Variants in BHMT2 observed in about 807,000 individuals in gnomAD.
BHMT2 encodes betaine--homocysteine S-methyltransferase 2, also known as S-methylmethionine--homocysteine S-methyltransferase BHMT2.
BHMT2 carries 28 observed loss-of-function variants against 39.0 expected under a neutral mutation model. That is an observed-to-expected ratio of 0.72 (90% CI 0.53 to 0.98). BHMT2 has a LOEUF of 0.98. Ranked by LOEUF, BHMT2 falls within the 50% of genes least tolerant of loss-of-function variation. The pLI, the probability that BHMT2 is intolerant of heterozygous loss-of-function variation, is 0.00. For missense variants in BHMT2, 410 were observed against 455.6 expected (o/e 0.90, Z 0.91); for synonymous variants, 145 against 160.6 (o/e 0.90, Z 0.74).
At chr5:79,075,738 G>A (rs1480427108) in intron 1 of BHMT2, among the ~76,000 whole-genome samples, 1 of 152,178 alleles carries the variant, frequency 6.6e-6, no homozygotes, top group Non-Finnish European at 1.5e-5. Context: ...GGATGACCCT[G>A]CAGGCACCTG....
In BHMT2 at chr5:79,088,651, C is replaced by G; in HGVS notation, c.*77C>G. ...AAGCCTGACCTGGAACCGTTCCTCA[C>G]CTTCATCCTCACCATGCCCTGCTAT... On this transcript the variant is annotated 3_prime_UTR_variant, in exon 8 of 8. Coordinates refer to ENST00000255192, the MANE Select transcript of BHMT2 (RefSeq NM_017614.5). The G allele has an allele frequency of 8.7e-7, 1 of 1,147,840 alleles. No individual in the cohort carries two copies. Among genetic ancestry groups the G allele is most frequent in the Non-Finnish European group, 1.3e-6 (1 of 776,606 alleles). 71.1% of individuals were successfully genotyped at this position (1,147,840 alleles called of 1,614,324 possible).
At position 79,082,804 on chromosome 5, in the gene BHMT2, C is replaced by G. The variant is rs768090719; in HGVS notation, c.451-5C>G. 2 of 1,613,242 alleles carry G rather than the reference C, an allele frequency of 1.2e-6. No homozygotes were observed. The highest frequency in any genetic ancestry group is 1.7e-6 in the Non-Finnish European group (2 of 1,179,748). On this transcript the variant is annotated splice_polypyrimidine_tract_variant and splice_region_variant and intron_variant, in intron 4 of 7. Transcript: ENST00000255192. ...GACCAGTAGAAAAAGTGACATTTCT[C>G]TTAGTATTTTGAGCACGTTGAAGAA...
intron 1 of BHMT2, among the ~76,000 whole-genome samples, 192 bp downstream of exon 1, chr5:79,070,007 C>G (rs1296237522): frequency 6.6e-6 from 1 of 152,210 alleles, no homozygotes; most frequent in Non-Finnish European, 1.5e-5. Flanking sequence ...CGGTGCCTGG[C>G]GCTGCACAGA....
At chr5:79,084,152 A>C (rs145299365) in intron 7 of BHMT2, among the ~76,000 whole-genome samples, 1 of 152,174 alleles carries the variant, frequency 6.6e-6, no homozygotes, top group African/African-American at 2.4e-5. Context: ...TGAAGGCCTT[A>C]GAGATGATAA....
chr5:79,080,810 A>G lies in BHMT2; in HGVS notation c.382A>G (p.Ile128Val). Residue 128 changes from isoleucine (I) to valine (V), a missense_variant, in exon 4 of 8, where the codon ATT becomes GTT. Coordinates refer to ENST00000255192, the MANE Select transcript of BHMT2 (RefSeq NM_017614.5). ...IYKYQKDEAR[I>V]KKLFRQQLEV... is the part of the protein sequence containing the mutation. ...CAAATACCAGAAGGATGAAGCTAGA[A>G]TTAAAAAACTTTTTCGACAACAGCT... 1 of 1,605,104 alleles carries G rather than the reference A, an allele frequency of 6.2e-7. No individual in the cohort carries two copies. Among genetic ancestry groups the G allele is most frequent in the Non-Finnish European group, 8.5e-7 (1 of 1,177,560 alleles).
At position 79,070,598 on chromosome 5, in the gene BHMT2, A is replaced by T. The variant is rs1755546274; in HGVS notation, c.33+783A>T. ...GACCCCCACCCGCTCCAGCCCTGTC[A>T]TTCAGAATGGGAGGAAGGGAGGAGG... is the stretch of plus-strand genomic sequence containing the variant. On this transcript the variant is annotated intron_variant, in intron 1 of 7. Transcript: ENST00000255192. Among the ~76,000 whole-genome samples, 4 of 152,292 alleles carry T rather than the reference A, an allele frequency of 2.6e-5. No individual in the cohort carries two copies. The South Asian group carries it at 8.3e-4, about 32-fold the overall frequency.
At chr5:79,084,953 CTT>C (rs1316895309) in intron 7 of BHMT2, among the ~76,000 whole-genome samples, 2 of 152,150 alleles carry the variant, frequency 1.3e-5, no homozygotes, top group Non-Finnish European at 1.5e-5. Context: ...GCAGGAATCT[CTT>C]GACTCCACTC....
chr5:79,085,550 G>A (rs981343945), intron 7 of BHMT2, among the ~76,000 whole-genome samples: 25 of 152,108 alleles, frequency 1.6e-4, no homozygotes, highest in Admixed American at 3.3e-4. Context: ...GCGTGGTGGC[G>A]GGAGCCTATA....
chr5:79,079,448 T>C lies in BHMT2; in HGVS notation c.246T>C (p.Asn82=). 1 of 1,612,932 alleles carries C rather than the reference T, an allele frequency of 6.2e-7. No homozygotes were observed. Among genetic ancestry groups the C allele is most frequent in the Non-Finnish European group, 8.5e-7 (1 of 1,179,080 alleles). The change falls in exon 3 of 8, where the codon AAT becomes AAC. Residue 82 remains asparagine (N), a synonymous_variant. Transcript: ENST00000255192. ...TTACCTTTTCTGCCAGTGAGGACAATATGGAAAGCAAGGTAAACGGCAATG... is the reference window on the plus strand; with the variant it reads ...TTACCTTTTCTGCCAGTGAGGACAACATGGAAAGCAAGGTAAACGGCAATG... ...QTFTFSASED[N]MESKWEDVNA... is the part of the protein sequence containing the mutation.
rs370613169 is a variant in BHMT2 at position 79,083,380 on chromosome 5, C to G, written c.781+6C>G. On this transcript the variant is annotated splice_donor_region_variant and intron_variant, in intron 6 of 7. Transcript: ENST00000255192. ...TCTCCCAGAATATCCCTTTGGTAAG[C>G]TCAGGTGCATAGTAGAGGTCCTTGT... 4.4e-6 allele frequency: 7 copies of G among 1,586,580 alleles called. No homozygotes were observed. The African/African-American group carries it at 9.5e-5, about 22-fold the overall frequency.
intron 1 of BHMT2, among the ~76,000 whole-genome samples, chr5:79,070,408 G>T (rs1299657641): frequency 6.6e-6 from 1 of 152,116 alleles, no homozygotes; most frequent in Non-Finnish European, 1.5e-5. Context: ...CCTCTCACCC[G>T]GTGGTCCCCA....
At chr5:79,081,068 C>A in intron 4 of BHMT2, 190 bp downstream of exon 4, 1 of 537,436 alleles carries the variant, frequency 1.9e-6, no homozygotes, top group Non-Finnish European at 3.1e-6. Flanking sequence ...CTCTTAGAGC[C>A]AAAGGACAGA....
intron 1 of BHMT2, among the ~76,000 whole-genome samples, chr5:79,070,662 T>C (rs2112689875): frequency 6.6e-6 from 1 of 152,290 alleles, no homozygotes; most frequent in Middle Eastern, 3.4e-3. Flanking sequence ...CCGAGCTATT[T>C]ATACTAAAAA....
chr5:79,083,591 A>G (rs1239873405), intron 6 of BHMT2, 37 bp from the exon 7 acceptor site: 1 of 1,605,776 alleles, frequency 6.2e-7, no homozygotes, highest in Admixed American at 1.7e-5. Context: ...TGAAAATGAG[A>G]ACAGTAACAG....
intron 7 of BHMT2, among the ~76,000 whole-genome samples, chr5:79,085,601 A>G (rs1755878973): frequency 6.6e-6 from 1 of 152,222 alleles, no homozygotes; most frequent in East Asian, 1.9e-4. Flanking sequence ...GAATCGCTTG[A>G]ATTCAGTGGG....
intron 1 of BHMT2, among the ~76,000 whole-genome samples, chr5:79,074,407 G>A (rs187852775): frequency 7.9e-5 from 12 of 152,260 alleles, no homozygotes; most frequent in African/African-American, 1.4e-4. Flanking sequence ...AGATCCTCAC[G>A]TCTGCTTTAA....
Position 79,083,871 on chromosome 5 carries a change from A to C in BHMT2, c.1010+15A>C, listed in dbSNP as rs756877593. ...ATTAGAGCAAGGTAAGCATTTTTAA[A>C]TTAACATTCTTATTATTTTCCTTTA... On this transcript the variant is annotated intron_variant, in intron 7 of 7. Transcript: ENST00000255192. 6.9e-6 allele frequency: 11 copies of C among 1,599,092 alleles called. No individual in the cohort carries two copies. In the South Asian group the frequency reaches 1.2e-4, roughly 18 times the overall value.
chr5:79,072,607 G>T (rs1250095486), intron 1 of BHMT2, among the ~76,000 whole-genome samples: 2 of 152,178 alleles, frequency 1.3e-5, no homozygotes, highest in African/African-American at 4.8e-5. Flanking sequence ...CTGCCCCCAA[G>T]CCTCTTACAG....
Position 79,088,584 on chromosome 5 carries a change from A to G in BHMT2, c.*10A>G. 6.2e-7 allele frequency: 1 copy of G among 1,611,864 alleles called. No homozygotes were observed. The highest frequency in any genetic ancestry group is 2.2e-5 in the East Asian group (1 of 44,842). ...AAAGCCAGACTTCTAAGGAGTAGTG[A>G]AAGAAAACCCTGAAATAATCGAACA... On this transcript the variant is annotated 3_prime_UTR_variant, in exon 8 of 8. Coordinates refer to ENST00000255192, the MANE Select transcript of BHMT2 (RefSeq NM_017614.5).
Sources: gnomAD v4.1 joint callset for allele counts (sites outside exome capture counted in the v4.1 genomes callset) on GRCh38, gnomAD v4.1.1 for gene constraint, MANE v1.5 for transcripts, NCBI Gene and HGNC (gene_info 2026-07-23, HGNC 2026-07-21) for gene names.